The following SLC9C1 variants were observed in gnomAD, a reference collection of about 807,000 sequenced individuals.
SLC9C1 encodes solute carrier family 9 member C1.
SLC9C1 carries 97 observed loss-of-function variants against 140.9 expected under a neutral mutation model. The observed-to-expected ratio is 0.69, with a 90% CI of 0.58 to 0.82. The LOEUF (loss-of-function observed/expected upper bound fraction) is 0.82, where lower values mean the gene tolerates loss of function less well. Ranked by LOEUF, SLC9C1 falls within the 40% of genes least tolerant of loss-of-function variation. SLC9C1 has a pLI of 0.00. For synonymous variants in SLC9C1, 440 were observed against 442.6 expected (o/e 0.99, Z 0.07); for missense variants, 1,340 against 1,389.3 (o/e 0.96, Z 0.56).
At chr3:112,241,563 C>T (rs779271146) in intron 11 of SLC9C1, among the ~76,000 whole-genome samples, 2 of 152,152 alleles carry the variant, frequency 1.3e-5, no homozygotes, top group Non-Finnish European at 2.9e-5. Flanking sequence ...TATTGAACTA[C>T]TAATGTCATT....
chr3:112,275,067 A>G (rs1350835774), intron 5 of SLC9C1, 42 bp from the exon 6 acceptor site: 1 of 1,520,620 alleles, frequency 6.6e-7, no homozygotes, highest in African/African-American at 1.4e-5. Context: ...AAAGTGAGAA[A>G]AACATTAAAA....
intron 24 of SLC9C1, 65 bp downstream of exon 24, chr3:112,169,132 A>G (rs912895640): frequency 2.5e-5 from 39 of 1,581,804 alleles, no homozygotes; most frequent in Non-Finnish European, 3.1e-5. Context: ...TAAATAGTCA[A>G]TTATAATGTT....
intron 26 of SLC9C1, among the ~76,000 whole-genome samples, chr3:112,162,316 G>C (rs9861756): frequency 0.3 from 45,699 of 151,770 alleles, 7,091 homozygotes; most frequent in East Asian, 0.35. Context: ...TGTTGAATAG[G>C]AGTGGTGAGA....
At chr3:112,158,914 T>A (rs2107877186) in intron 26 of SLC9C1, among the ~76,000 whole-genome samples, 1 of 152,030 alleles carries the variant, frequency 6.6e-6, no homozygotes, top group South Asian at 2.1e-4. Flanking sequence ...TCTCTTTTTC[T>A]TAGTCTAGAT....
chr3:112,178,328 A>G (rs2077377778), intron 23 of SLC9C1, among the ~76,000 whole-genome samples: 1 of 151,366 alleles, frequency 6.6e-6, no homozygotes, highest in Admixed American at 6.6e-5. Flanking sequence ...TTTTTTGCAG[A>G]TATGTTGCAG....
intron 23 of SLC9C1, among the ~76,000 whole-genome samples, chr3:112,172,860 C>T (rs535752135): frequency 2.0e-5 from 3 of 151,998 alleles, no homozygotes; most frequent in South Asian, 2.1e-4. Context: ...TTTCAAATGT[C>T]GAATCAATCT....
chr3:112,261,897 G>A (rs2079783839), intron 10 of SLC9C1, among the ~76,000 whole-genome samples: 4 of 152,054 alleles, frequency 2.6e-5, no homozygotes, highest in Admixed American at 2.0e-4. Flanking sequence ...ATTTCAGGAA[G>A]TTTATGAGCT....
At chr3:112,215,209 CA>C (rs2078325520) in intron 15 of SLC9C1, among the ~76,000 whole-genome samples, 1 of 152,086 alleles carries the variant, frequency 6.6e-6, no homozygotes, top group Admixed American at 6.6e-5. Flanking sequence ...GGACGTATCT[CA>C]AAATAATAAG....
chr3:112,224,626 T>G (rs1159518276), intron 13 of SLC9C1, among the ~76,000 whole-genome samples: 3 of 151,190 alleles, frequency 2.0e-5, no homozygotes, highest in Non-Finnish European at 4.4e-5. Context: ...AACAGAAATA[T>G]TGGAGCTAAT....
At chr3:112,159,856 C>T (rs1560012499) in intron 26 of SLC9C1, among the ~76,000 whole-genome samples, 1 of 151,856 alleles carries the variant, frequency 6.6e-6, no homozygotes, top group African/African-American at 2.4e-5. Context: ...ATTTAAGGTC[C>T]ATTTTATCTG....
At chr3:112,260,005 A>G (rs1338593904) in intron 10 of SLC9C1, among the ~76,000 whole-genome samples, 2 of 152,134 alleles carry the variant, frequency 1.3e-5, no homozygotes, top group African/African-American at 4.8e-5. Context: ...ATAAATATCA[A>G]TTGGATCCTA....
Position 112,172,325 on chromosome 3 carries a change from T to C in SLC9C1, c.2920-2997A>G, listed in dbSNP as rs1560028082. 2.0e-5 allele frequency among the ~76,000 whole-genome samples: 3 copies of C among 152,100 alleles called. No homozygotes were observed. The South Asian group carries it at 6.2e-4, about 32-fold the overall frequency. ...CTTTATCTCTTTTATACTTTGATTA[T>C]TTTTGTAAAAAGAATTAAAAATTTT... On this transcript the variant is annotated intron_variant, in intron 23 of 28. Transcript: ENST00000305815.
intron 16 of SLC9C1, among the ~76,000 whole-genome samples, chr3:112,206,969 A>T (rs1033095429): frequency 1.3e-5 from 2 of 152,200 alleles, no homozygotes; most frequent in Non-Finnish European, 2.9e-5. Flanking sequence ...CGTTGTGCAC[A>T]TGTACCCTAG....
intron 13 of SLC9C1, among the ~76,000 whole-genome samples, chr3:112,228,961 G>A (rs945574131): frequency 1.6e-4 from 24 of 152,062 alleles, no homozygotes; most frequent in South Asian, 1.0e-3. Context: ...AGAAAATGTC[G>A]TATATTTACA....
intron 23 of SLC9C1, among the ~76,000 whole-genome samples, chr3:112,174,735 G>A (rs1189841082): frequency 6.6e-6 from 1 of 152,158 alleles, no homozygotes; most frequent in Non-Finnish European, 1.5e-5. Flanking sequence ...TGTAAGGGCT[G>A]AGCCACTGCA....
At chr3:112,228,875 A>T (rs2108159137) in intron 13 of SLC9C1, among the ~76,000 whole-genome samples, 1 of 152,152 alleles carries the variant, frequency 6.6e-6, no homozygotes, top group South Asian at 2.1e-4. Flanking sequence ...ATATATGGGG[A>T]ATGTTTATTG....
chr3:112,156,384 CACACATAT>C (rs1180432630), intron 26 of SLC9C1, among the ~76,000 whole-genome samples: 1 of 151,978 alleles, frequency 6.6e-6, no homozygotes, highest in Non-Finnish European at 1.5e-5. Context: ...TACACACATA[CACACATAT>C]ACACACTGCA....
Position 112,216,709 on chromosome 3 carries a change from G to A in SLC9C1, c.1790+733C>T, listed in dbSNP as rs578227455. The stretch of plus-strand genomic sequence containing the variant: ...AATCATTAAAGTCAGGAAACAACAG[G>A]TGCTGGAGAGGATGTGGAGAAATAG... On this transcript the variant is annotated intron_variant, in intron 15 of 28. Transcript: ENST00000305815. Among the ~76,000 whole-genome samples the A allele has an allele frequency of 7.2e-5, 11 of 152,254 alleles. No homozygotes were observed. The East Asian group carries it at 1.4e-3, about 19-fold the overall frequency.
intron 15 of SLC9C1, among the ~76,000 whole-genome samples, chr3:112,209,372 T>C (rs2078140848): frequency 1.3e-5 from 2 of 152,216 alleles, no homozygotes; most frequent in Non-Finnish European, 2.9e-5. Flanking sequence ...CCAGTCTGCT[T>C]TTCTTGATCT....
Sources: allele counts gnomAD v4.1 joint callset (sites outside exome capture counted in the v4.1 genomes callset), GRCh38; gene constraint gnomAD v4.1.1; transcripts MANE v1.5; gene names NCBI Gene and HGNC (gene_info 2026-07-23, HGNC 2026-07-21).